The following MNAT1 variants were observed in gnomAD, a reference collection of about 807,000 sequenced individuals.
The protein encoded by MNAT1 is MNAT1 component of CDK activating kinase, also known as CDK-activating kinase assembly factor MAT1.
Under a neutral mutation model 42.0 loss-of-function variants are expected in MNAT1, and 43 were observed. The observed-to-expected ratio is 1.02, with a 90% CI of 0.80 to 1.32. The LOEUF (loss-of-function observed/expected upper bound fraction) is 1.32, where lower values mean the gene tolerates loss of function less well. Among genes scored for constraint, MNAT1 ranks in the 40% most tolerant of loss-of-function variants. The pLI is 0.00. For missense variants in MNAT1, 306 were observed against 350.4 expected (o/e 0.87, Z 1.01); for synonymous variants, 118 against 120.0 (o/e 0.98, Z 0.11).
chr14:60,869,333 A>T (rs1338328626), intron 6 of MNAT1, among the ~76,000 whole-genome samples: 1 of 151,678 alleles, frequency 6.6e-6, no homozygotes, highest in East Asian at 1.9e-4. Flanking sequence ...GAGCCACTGC[A>T]CCTGGCCTAT....
rs576235476 is a variant in MNAT1 at position 60,940,231 on chromosome 14, C to T, written c.810-27998C>T. On this transcript the variant is annotated intron_variant, in intron 7 of 7. Coordinates refer to ENST00000261245, the MANE Select transcript of MNAT1 (RefSeq NM_002431.4). ...TTAATTGGAGCATTTAGCCCATTTA[C>T]ATTTAAGGTTAATATTGTTATGTGT... Among the ~76,000 whole-genome samples the T allele has an allele frequency of 4.1e-4, 63 of 152,268 alleles. 2 individuals are homozygous for T. The South Asian group carries it at 0.013, about 31-fold the overall frequency.
intron 6 of MNAT1, among the ~76,000 whole-genome samples, chr14:60,852,981 A>G (rs2139420313): frequency 6.6e-6 from 1 of 152,292 alleles, no homozygotes; most frequent in South Asian, 2.1e-4. Context: ...AGGTAGCATG[A>G]TGGCCCCAGC....
At position 60,737,917 on chromosome 14, in the gene MNAT1, C is replaced by T. The variant is rs146630787; in HGVS notation, c.89+2966C>T. 4.4e-3 allele frequency among the ~76,000 whole-genome samples: 661 copies of T among 149,638 alleles called. 3 individuals carry two copies. The highest frequency in any genetic ancestry group is 0.015 in the African/African-American group (628 of 40,748). ...AGGCTAGAGTGCAGTGGCGCAATCT[C>T]GGCTCACTGCAAGCTCCGCCTCCCG... is the stretch of plus-strand genomic sequence containing the variant. On this transcript the variant is annotated intron_variant, in intron 1 of 7. Transcript: ENST00000261245.
In MNAT1 at chr14:60,740,577, T is replaced by C. The variant is rs964008094; in HGVS notation, c.89+5626T>C. ...GGTGTTAACTCATTTAATATACTGA[T>C]CTTATTCAGTACCTTTGTGCAAATT... On this transcript the variant is annotated intron_variant, in intron 1 of 7. Transcript: ENST00000261245. The surrounding 1 kb of genome is among the most constrained non-coding windows in gnomAD (Gnocchi z 4.1). Among the ~76,000 whole-genome samples the C allele has an allele frequency of 3.3e-5, 5 of 152,246 alleles. No homozygotes were observed. Among genetic ancestry groups the C allele is most frequent in the Non-Finnish European group, 7.3e-5 (5 of 68,040 alleles).
chr14:60,814,738 C>G (rs1428024332), intron 5 of MNAT1, among the ~76,000 whole-genome samples: 1 of 152,106 alleles, frequency 6.6e-6, no homozygotes, highest in Non-Finnish European at 1.5e-5. Flanking sequence ...TGTCATAAAA[C>G]TCTATTTTCT....
Position 60,968,401 on chromosome 14 carries a change from A to T in MNAT1, c.*52A>T. On this transcript the variant is annotated 3_prime_UTR_variant, in exon 8 of 8. Transcript: ENST00000261245. ...CTGAACCAGGGAGCTAGCAAAAGTA[A>T]AGCAGACTTATAAAATTATAGCTAT... is the stretch of plus-strand genomic sequence containing the variant. The T allele has an allele frequency of 6.3e-7, 1 of 1,585,722 alleles. No homozygotes were observed. Among genetic ancestry groups the T allele is most frequent in the Non-Finnish European group, 8.6e-7 (1 of 1,169,066 alleles).
At chr14:60,938,101 G>A (rs1196830350) in intron 7 of MNAT1, among the ~76,000 whole-genome samples, 1 of 152,186 alleles carries the variant, frequency 6.6e-6, no homozygotes, top group Non-Finnish European at 1.5e-5. Context: ...TGCTGAAGTT[G>A]CCTATCAGCT....
At chr14:60,889,454 G>A (rs547548881) in intron 7 of MNAT1, among the ~76,000 whole-genome samples, 1 of 152,170 alleles carries the variant, frequency 6.6e-6, no homozygotes, top group East Asian at 1.9e-4. Flanking sequence ...ATTAATTCAA[G>A]ATGGATTAAA....
At chr14:60,810,342 T>C (rs1288372098) in intron 4 of MNAT1, among the ~76,000 whole-genome samples, 1 of 152,090 alleles carries the variant, frequency 6.6e-6, no homozygotes, top group Non-Finnish European at 1.5e-5. Context: ...TTATTTTTGC[T>C]CTAATGTTTG....
rs4151170 is a variant in MNAT1 at position 60,769,343 on chromosome 14, C to CT, written c.90-26873dup. Among the ~76,000 whole-genome samples, 249 of 152,264 alleles carry CT rather than the reference C, an allele frequency of 1.6e-3. 12 individuals carry two copies. The South Asian group carries it at 0.051, about 31-fold the overall frequency. On this transcript the variant is annotated intron_variant, in intron 1 of 7. Coordinates refer to ENST00000261245, the MANE Select transcript of MNAT1 (RefSeq NM_002431.4). ...GGTAGAGTGCAGTGGGACAACATAA[C>CT]TCACTGCAACTTTGTTCTCCTGGGC...
At chr14:60,855,364 A>G (rs534601792) in intron 6 of MNAT1, among the ~76,000 whole-genome samples, 169 of 152,168 alleles carry the variant, frequency 1.1e-3, no homozygotes, top group Non-Finnish European at 1.9e-3. Flanking sequence ...GGGTTATAAA[A>G]AAAACCTCCT....
intron 1 of MNAT1, among the ~76,000 whole-genome samples, chr14:60,739,411 A>G (rs562367372): frequency 1.3e-5 from 2 of 151,592 alleles, no homozygotes; most frequent in African/African-American, 4.8e-5. Flanking sequence ...TCATGTCCTC[A>G]AGTAGCAAAG....
rs1483845820 is a variant in MNAT1 at position 60,887,799 on chromosome 14, A to C, written c.809+7964A>C. Among the ~76,000 whole-genome samples the C allele has an allele frequency of 2.7e-4, 41 of 152,146 alleles. 1 individual carries two copies. Among genetic ancestry groups the C allele is most frequent in the Admixed American group, 2.7e-3 (41 of 15,262 alleles). ...CAATCCCACAGAAATACAAACTACC[A>C]TCAGAGAATACTACAAACACCTCTA... On this transcript the variant is annotated intron_variant, in intron 7 of 7. Transcript: ENST00000261245.
rs143306212 is a variant in MNAT1, at chr14:60,780,169, C to A, written c.90-16048C>A. The A allele has an allele frequency of 3.3e-4, 495 of 1,518,144 alleles. 1 individual carries two copies. The African/African-American group carries it at 6.3e-3, about 19-fold the overall frequency. 94.0% of individuals were successfully genotyped at this position (1,518,144 alleles called of 1,614,324 possible). On this transcript the variant is annotated intron_variant, in intron 1 of 7. Transcript: ENST00000261245. Reference sequence around the variant, plus strand: ...CTACTGATCTTGAGCTCATAAAATACCTAAATAATGTGGTGGAACAACTAA... The same window carrying A: ...CTACTGATCTTGAGCTCATAAAATAACTAAATAATGTGGTGGAACAACTAA...
At chr14:60,786,005 A>T (rs772811380) in intron 1 of MNAT1, among the ~76,000 whole-genome samples, 1 of 152,108 alleles carries the variant, frequency 6.6e-6, no homozygotes, top group Non-Finnish European at 1.5e-5. Flanking sequence ...AGAAAAGTAC[A>T]AACTGTTGTG....
chr14:60,926,420 G>A (rs1428188409), intron 7 of MNAT1, among the ~76,000 whole-genome samples: 1 of 152,222 alleles, frequency 6.6e-6, no homozygotes, highest in Non-Finnish European at 1.5e-5. Flanking sequence ...CCAGTCACCA[G>A]TAGTAGGTTC....
intron 6 of MNAT1, among the ~76,000 whole-genome samples, chr14:60,851,203 G>A (rs564158675): frequency 6.6e-6 from 1 of 152,304 alleles, no homozygotes; most frequent in East Asian, 1.9e-4. Flanking sequence ...ACTCATCCAA[G>A]TTAAGAAACA....
chr14:60,784,765 G>A (rs1461722235), intron 1 of MNAT1, among the ~76,000 whole-genome samples: 6 of 151,864 alleles, frequency 4.0e-5, no homozygotes, highest in South Asian at 2.1e-4. Flanking sequence ...GCCAGGCAAC[G>A]AAAATACTCT....
At chr14:60,765,182 C>T (rs1057315499) in intron 1 of MNAT1, among the ~76,000 whole-genome samples, 6 of 152,114 alleles carry the variant, frequency 3.9e-5, no homozygotes, top group Non-Finnish European at 7.4e-5. Flanking sequence ...ACCTGGGAGG[C>T]GGAGGTTGCA....
Sources: allele counts gnomAD v4.1 joint callset (sites outside exome capture counted in the v4.1 genomes callset), GRCh38; gene constraint gnomAD v4.1.1; non-coding constraint Gnocchi (gnomAD v3.1); transcripts MANE v1.5; gene names NCBI Gene and HGNC (gene_info 2026-07-23, HGNC 2026-07-21).